Variants in LEKR1 observed in about 807,000 individuals in gnomAD.
The protein encoded by LEKR1 is leucine, glutamate and lysine rich 1, also known as protein LEKR1.
LEKR1 carries 59 observed loss-of-function variants against 72.4 expected under a neutral mutation model. The ratio of observed to expected loss-of-function variants is 0.82; its 90% CI spans 0.66 to 1.01. LEKR1 has a LOEUF of 1.01. Ranked by LOEUF, LEKR1 falls within the 50% of genes least tolerant of loss-of-function variation. The pLI is 0.00. For missense variants in LEKR1, 728 were observed against 759.2 expected (o/e 0.96, Z 0.48); for synonymous variants, 257 against 263.2 (o/e 0.98, Z 0.23).
chr3:156,897,220 A>G (rs1351629002), intron 3 of LEKR1, among the ~76,000 whole-genome samples: 1 of 152,224 alleles, frequency 6.6e-6, no homozygotes, highest in Non-Finnish European at 1.5e-5. Flanking sequence ...ATGGGTTGGA[A>G]TCTTACCCCA....
chr3:156,853,641 A>G (rs1203596632), intron 3 of LEKR1, among the ~76,000 whole-genome samples: 1 of 152,074 alleles, frequency 6.6e-6, no homozygotes, highest in Non-Finnish European at 1.5e-5. Context: ...AATGAATAAC[A>G]TGTCTGTGTA....
chr3:156,869,353 C>T lies in LEKR1; in HGVS notation c.263+16371C>T, dbSNP rs1350337988. Among the ~76,000 whole-genome samples the T allele has an allele frequency of 2.0e-5, 3 of 152,044 alleles. No individual in the cohort carries two copies. The East Asian group carries it at 5.8e-4, about 29-fold the overall frequency. ...GGCTCCCTTTTCTCTGCATCCTCACCAGCATCTGTTATTATTTTCTCTTTT... is the reference window on the plus strand; with the variant it reads ...GGCTCCCTTTTCTCTGCATCCTCACTAGCATCTGTTATTATTTTCTCTTTT... On this transcript the variant is annotated intron_variant, in intron 3 of 12. Coordinates refer to ENST00000356539, the MANE Select transcript of LEKR1 (RefSeq NM_001004316.3).
chr3:156,938,522 G>A (rs199562099), intron 5 of LEKR1, among the ~76,000 whole-genome samples: 4 of 152,118 alleles, frequency 2.6e-5, no homozygotes, highest in South Asian at 4.2e-4. Flanking sequence ...GACTACAGGC[G>A]CATGCCACCA....
chr3:157,012,879 CT>C (rs1170118765), intron 10 of LEKR1, among the ~76,000 whole-genome samples: 4 of 151,998 alleles, frequency 2.6e-5, no homozygotes, highest in Non-Finnish European at 5.9e-5. Context: ...CACTTATTCC[CT>C]TTCCTTATTC....
intron 6 of LEKR1, among the ~76,000 whole-genome samples, chr3:156,943,683 C>G (rs1297741689): frequency 6.6e-6 from 1 of 151,786 alleles, no homozygotes; most frequent in Non-Finnish European, 1.5e-5. Flanking sequence ...AGATGAACAT[C>G]TGTCTGAGTA....
intron 6 of LEKR1, among the ~76,000 whole-genome samples, chr3:156,960,688 T>C (rs149103278): frequency 2.0e-5 from 3 of 152,194 alleles, no homozygotes; most frequent in East Asian, 1.9e-4. Flanking sequence ...ATAGAGATGC[T>C]CAAAAATTTA....
intron 6 of LEKR1, among the ~76,000 whole-genome samples, chr3:156,951,771 G>C (rs902762996): frequency 3.3e-5 from 5 of 151,124 alleles, no homozygotes; most frequent in Admixed American, 2.7e-4. Context: ...CTAGCTAGTG[G>C]CCTATCTTAT....
chr3:157,023,395 G>C (rs1266870005), intron 10 of LEKR1, among the ~76,000 whole-genome samples: 1 of 152,170 alleles, frequency 6.6e-6, no homozygotes, highest in African/African-American at 2.4e-5. Context: ...CTCAACTACA[G>C]GAAAAACTGC....
intron 10 of LEKR1, among the ~76,000 whole-genome samples, chr3:157,024,362 C>A (rs993069351): frequency 1.3e-5 from 2 of 152,110 alleles, no homozygotes; most frequent in African/African-American, 2.4e-5. Flanking sequence ...CAACATTTGT[C>A]CTTTGTGTTC....
intron 7 of LEKR1, among the ~76,000 whole-genome samples, chr3:156,983,625 C>T (rs16826968): frequency 0.054 from 8,210 of 151,724 alleles, 259 homozygotes; most frequent in African/African-American, 0.08. Flanking sequence ...TCATCAATAC[C>T]CTACAATCAG....
chr3:156,991,830 A>G (rs1344297373), intron 7 of LEKR1, among the ~76,000 whole-genome samples: 1 of 152,196 alleles, frequency 6.6e-6, no homozygotes, highest in Non-Finnish European at 1.5e-5. Flanking sequence ...AGTTCCTATT[A>G]ACTGTCTTTC....
At chr3:156,860,052 C>T (rs1173933166) in intron 3 of LEKR1, among the ~76,000 whole-genome samples, 2 of 152,074 alleles carry the variant, frequency 1.3e-5, no homozygotes, top group Admixed American at 6.6e-5. Context: ...TCCGAAGGTC[C>T]CTAGGCCATC....
chr3:157,031,324 C>A (rs943818329), intron 12 of LEKR1, among the ~76,000 whole-genome samples: 1 of 151,972 alleles, frequency 6.6e-6, no homozygotes, highest in African/African-American at 2.4e-5. Flanking sequence ...GATCACAGAT[C>A]ATTGCTAGAG....
At chr3:156,926,826 A>G (rs1724761371) in intron 4 of LEKR1, among the ~76,000 whole-genome samples, 1 of 151,894 alleles carries the variant, frequency 6.6e-6, no homozygotes. Flanking sequence ...TTATACTCTC[A>G]TGGCTTCAGT....
intron 2 of LEKR1, among the ~76,000 whole-genome samples, chr3:156,836,911 C>A (rs1713219267): frequency 6.6e-6 from 1 of 152,228 alleles, no homozygotes; most frequent in Admixed American, 6.5e-5. Flanking sequence ...TGAGCTACAG[C>A]ATGGGGCAGC....
chr3:156,867,243 G>A (rs879890859), intron 3 of LEKR1, among the ~76,000 whole-genome samples: 5 of 152,052 alleles, frequency 3.3e-5, no homozygotes, highest in East Asian at 1.9e-4. Context: ...TAAGTAAGAC[G>A]ACTATAAAAT....
intron 3 of LEKR1, among the ~76,000 whole-genome samples, chr3:156,874,532 T>C (rs902686180): frequency 5.3e-5 from 6 of 112,774 alleles, no homozygotes; most frequent in African/African-American, 1.1e-4. Context: ...ATGTGATTTT[T>C]TTAAAAAACT....
chr3:156,982,976 C>T (rs1455737784), intron 7 of LEKR1, among the ~76,000 whole-genome samples: 3 of 151,870 alleles, frequency 2.0e-5, no homozygotes, highest in Admixed American at 6.6e-5. Flanking sequence ...GTGGCTCTAT[C>T]CTTCCTAATT....
At chr3:156,849,439 C>T (rs1715055452) in intron 2 of LEKR1, among the ~76,000 whole-genome samples, 1 of 152,030 alleles carries the variant, frequency 6.6e-6, no homozygotes, top group Admixed American at 6.6e-5. Context: ...AAAAAGAGCC[C>T]ACATTGCCAA....
Sources: gnomAD v4.1 joint callset for allele counts (sites outside exome capture counted in the v4.1 genomes callset) on GRCh38, gnomAD v4.1.1 for gene constraint, MANE v1.5 for transcripts, NCBI Gene and HGNC (gene_info 2026-07-23, HGNC 2026-07-21) for gene names.